CHST6: variants seen among roughly 807,000 people sequenced by gnomAD.
The protein encoded by CHST6 is N-acetylglucosamine 6-O-sulfotransferase 5.
For synonymous variants in CHST6, 309 were observed against 276.4 expected, an observed-to-expected ratio of 1.12 and a Z score of -1.17; for missense variants, 698 against 586.2, an observed-to-expected ratio of 1.19 and a Z score of -1.97.
rs1407377347 is a variant in CHST6 at position 75,477,483 on chromosome 16, T to TC, written c.*1157dup. 6.6e-6 allele frequency: 1 copy of TC among 152,194 alleles called. No individual in the cohort carries two copies. The highest frequency in any genetic ancestry group is 1.5e-5 in the Non-Finnish European group (1 of 68,034). 9.4% of individuals were successfully genotyped at this position (152,194 alleles called of 1,614,324 possible). A position where few individuals can be genotyped will look rare whatever the true frequency, so the allele number is the denominator to read the frequency against. On this transcript the variant is annotated 3_prime_UTR_variant, in exon 3 of 3. Coordinates refer to ENST00000332272, the MANE Select transcript of CHST6 (RefSeq NM_021615.5). ...AAGTTCTGTTGGCAGCCAACACAGT[T>TC]CCCAGACCAGCTCTGTGTTCCAATG...
Position 75,478,822 on chromosome 16 carries a change from G to A in CHST6, c.1007C>T (p.Ala336Val), listed in dbSNP as rs1215083628. 4 of 1,613,450 alleles carry A rather than the reference G, an allele frequency of 2.5e-6. No individual in the cohort carries two copies. The highest frequency in any genetic ancestry group is 3.3e-5 in the Admixed American group (2 of 60,036). ...GCGGCGGATCTTGGCAAAGGGCAGC[G>A]CATGGCGCCAGGCCTGGGAGACGTT... ...ALNVSQAWRH[A>V]LPFAKIRRVQ... The change falls in exon 3 of 3, where the codon GCG (alanine) becomes GTG (valine). Residue 336 changes from alanine to valine, a missense_variant. Coordinates refer to ENST00000332272, the MANE Select transcript of CHST6 (RefSeq NM_021615.5).
At chr16:75,491,191 ATATATAT>A (rs375011860) in intron 1 of CHST6, among the ~76,000 whole-genome samples, 13 of 40,888 alleles carry the variant, frequency 3.2e-4, no homozygotes, top group African/African-American at 4.3e-4. Flanking sequence ...AAAAAAAAAA[ATATATAT>A]ATATATATAT....
chr16:75,482,020 T>TATA, intron 1 of CHST6, 129 bp from the exon 2 acceptor site: 1 of 244,178 alleles, frequency 4.1e-6, no homozygotes, highest in Non-Finnish European at 7.9e-6. Flanking sequence ...CTCTTAGGGC[T>TATA]GTGAGATGCT....
chr16:75,492,461 G>T (rs2080266739), intron 1 of CHST6, among the ~76,000 whole-genome samples: 1 of 152,148 alleles, frequency 6.6e-6, no homozygotes, highest in Non-Finnish European at 1.5e-5. Context: ...AATGTTCCCT[G>T]GTTTATTAAC....
intron 1 of CHST6, among the ~76,000 whole-genome samples, chr16:75,491,608 G>C (rs1210890347): frequency 6.6e-6 from 1 of 152,098 alleles, no homozygotes; most frequent in Non-Finnish European, 1.5e-5. Flanking sequence ...CTGACCTCGT[G>C]ATCCGCCTGC....
chr16:75,481,497 G>T (rs959063815), intron 2 of CHST6, among the ~76,000 whole-genome samples: 4 of 151,744 alleles, frequency 2.6e-5, no homozygotes, highest in Non-Finnish European at 4.4e-5. Context: ...TTGGTAGGCT[G>T]AGACGTGAAA....
At chr16:75,487,067 T>C (rs1386529233) in intron 1 of CHST6, among the ~76,000 whole-genome samples, 1 of 152,176 alleles carries the variant, frequency 6.6e-6, no homozygotes, top group Non-Finnish European at 1.5e-5. Context: ...GTAGAGGACA[T>C]GAACAAATAC....
chr16:75,490,432 C>T (rs896125632), intron 1 of CHST6, among the ~76,000 whole-genome samples: 9 of 151,982 alleles, frequency 5.9e-5, no homozygotes, highest in Admixed American at 2.6e-4. Context: ...GAGCCGAGAT[C>T]GCACCATTGC....
chr16:75,488,048 C>G (rs1280206136), intron 1 of CHST6, among the ~76,000 whole-genome samples: 1 of 152,146 alleles, frequency 6.6e-6, no homozygotes, highest in East Asian at 1.9e-4. Context: ...AGCAGCTCTT[C>G]TTGTTACCAG....
intron 1 of CHST6, among the ~76,000 whole-genome samples, chr16:75,484,153 C>T (rs1043393785): frequency 6.6e-6 from 1 of 151,938 alleles, no homozygotes; most frequent in African/African-American, 2.4e-5. Flanking sequence ...GCCTGACCAA[C>T]ATGGTGAAAC....
chr16:75,478,659 G>A lies in CHST6; in HGVS notation c.1170C>T (p.Ala390=). 1 of 1,613,674 alleles carries A rather than the reference G, an allele frequency of 6.2e-7. No homozygotes were observed. Among genetic ancestry groups the A allele is most frequent in the East Asian group, 2.2e-5 (1 of 44,868 alleles). The change falls in exon 3 of 3, where the codon GCC becomes GCT. Residue 390 remains alanine (A), a synonymous_variant. Coordinates refer to ENST00000332272, the MANE Select transcript of CHST6 (RefSeq NM_021615.5). ...LNGFTWASST[A]SHPRN is the part of the protein sequence containing the mutation. ...GCCTCCACTAATTTCGGGGGTGCGA[G>A]GCGGTGGATGATGCCCAAGTGAAGC...
At chr16:75,492,549 T>C (rs1323935990) in intron 1 of CHST6, among the ~76,000 whole-genome samples, 1 of 152,202 alleles carries the variant, frequency 6.6e-6, no homozygotes. Flanking sequence ...GAGACTATTT[T>C]ATAGGAAAAT....
intron 1 of CHST6, among the ~76,000 whole-genome samples, chr16:75,491,439 G>A (rs1277094311): frequency 1.3e-5 from 2 of 151,498 alleles, no homozygotes; most frequent in South Asian, 2.1e-4. Context: ...GCACGATCTC[G>A]GCTTACTGCA....
intron 1 of CHST6, among the ~76,000 whole-genome samples, chr16:75,493,326 T>G (rs538993146): frequency 6.6e-6 from 1 of 151,896 alleles, no homozygotes; most frequent in East Asian, 1.9e-4. Flanking sequence ...CTGACCAACA[T>G]AGTGAAACCC....
intron 1 of CHST6, among the ~76,000 whole-genome samples, chr16:75,482,914 C>T (rs986548337): frequency 2.6e-5 from 4 of 152,350 alleles, no homozygotes; most frequent in African/African-American, 9.6e-5. Flanking sequence ...ACCTGGAAGA[C>T]AGGGAGAGTA....
chr16:75,488,144 T>C (rs1007976964), intron 1 of CHST6, among the ~76,000 whole-genome samples: 1 of 152,068 alleles, frequency 6.6e-6, no homozygotes, highest in Non-Finnish European at 1.5e-5. Flanking sequence ...CTGTTTAGAG[T>C]TGGCTGGAGG....
At chr16:75,486,524 C>A (rs1471865416) in intron 1 of CHST6, among the ~76,000 whole-genome samples, 2 of 152,362 alleles carry the variant, frequency 1.3e-5, no homozygotes, top group South Asian at 2.1e-4. Flanking sequence ...CCCTGCCCCC[C>A]CAGCCCACAC....
Position 75,478,700 on chromosome 16 carries a change from G to A in CHST6, c.1129C>T (p.Pro377Ser), listed in dbSNP as rs1040469452. ...QRNLALDLVL[P>S]RGLNGFTWAS... ...CAAGTGAAGCCGTTCAGGCCTCGTG[G>A]CAGCACCAGATCAAGGGCGAGGTTG... The change falls in exon 3 of 3, where the codon CCA becomes TCA. Residue 377 changes from proline to serine, a missense_variant. Transcript: ENST00000332272. 6.2e-7 allele frequency: 1 copy of A among 1,613,724 alleles called. No individual in the cohort carries two copies. Among genetic ancestry groups the A allele is most frequent in the Non-Finnish European group, 8.5e-7 (1 of 1,180,032 alleles).
At chr16:75,494,912 C>G (rs935926771) in intron 1 of CHST6, 28 bp downstream of exon 1, 3 of 152,468 alleles carry the variant, frequency 2.0e-5, no homozygotes, top group Non-Finnish European at 4.4e-5. Context: ...TGGGGACATC[C>G]CCCGCGGAGA....
Sources: allele counts gnomAD v4.1 joint callset (sites outside exome capture counted in the v4.1 genomes callset), GRCh38; gene constraint gnomAD v4.1.1; transcripts MANE v1.5; gene names NCBI Gene and HGNC (gene_info 2026-07-23, HGNC 2026-07-21).